The following SLC4A2 variants were observed in gnomAD, a reference collection of about 807,000 sequenced individuals.
SLC4A2 encodes the protein solute carrier family 4 member 2.
Under a neutral mutation model 115.0 loss-of-function variants are expected in SLC4A2, and 36 were observed. The ratio of observed to expected loss-of-function variants is 0.31; its 90% CI spans 0.24 to 0.41. SLC4A2 has a LOEUF of 0.41. Among genes scored for constraint, SLC4A2 ranks in the 10% least tolerant of loss-of-function variants. The probability of loss-of-function intolerance (pLI) is 1.00; values close to 1 mark genes in which losing one functional copy is unlikely to be tolerated. For missense variants in SLC4A2, 1,252 were observed against 1,705.6 expected (o/e 0.73, Z 4.68); for synonymous variants, 708 against 708.3 (o/e 1.00, Z 0.01).
chr7:151,063,054 CGTGG>C, intron 2 of SLC4A2: 13 of 1,483,012 alleles, frequency 8.8e-6, no homozygotes, highest in African/African-American at 2.9e-5. Flanking sequence ...GAGCTGAGAC[CGTGG>C]GTGGGTGGGG....
rs762498559 is a variant in SLC4A2 at position 151,076,079 on chromosome 7, G to A, written c.3538G>A (p.Val1180Ile). Residue 1180 changes from valine to isoleucine, a missense_variant, in exon 22 of 23, where the codon GTC becomes ATC. Coordinates refer to ENST00000413384, the MANE Select transcript of SLC4A2 (RefSeq NM_003040.4). The part of the protein sequence containing the change: ...QLLCLALLWA[V>I]MSTAASLAFP... ...GCTCTGCCTGGCCCTGCTCTGGGCC[G>A]TCATGTCCACAGCTGCCTCCCTGGC... The A allele has an allele frequency of 1.2e-5, 20 of 1,611,344 alleles. No individual in the cohort carries two copies. Among genetic ancestry groups the A allele is most frequent in the East Asian group, 2.2e-5 (1 of 44,880 alleles).
At chr7:151,075,970 C>A in intron 21 of SLC4A2, 43 bp from the exon 22 acceptor site, 1 of 1,528,924 alleles carries the variant, frequency 6.5e-7, no homozygotes, top group Non-Finnish European at 8.8e-7. Flanking sequence ...TTCCCAGCAG[C>A]AGGCTAGGGA....
rs781715809 is a variant in SLC4A2, at chr7:151,074,154, G to A, written c.2651G>A (p.Ser884Asn). 4 of 1,612,822 alleles carry A rather than the reference G, an allele frequency of 2.5e-6. No homozygotes were observed. The highest frequency in any genetic ancestry group is 3.4e-6 in the Non-Finnish European group (4 of 1,179,968). Reference protein sequence around the residue: ...ARPTLGPGNRSLAGQSGQGKP... With the variant: ...ARPTLGPGNRNLAGQSGQGKP... ...CCCACGCTGGGGCCGGGCAACAGGA[G>A]CTTGGCTGGGCAGTCTGGGCAGGGG... Residue 884 changes from serine to asparagine, a missense_variant, in exon 17 of 23, where the codon AGC becomes AAC. Physicochemically the swap from Ser to Asn is conservative, Grantham distance 46 (BLOSUM62 1). Around this residue, in one of 14 missense-constraint regions of SLC4A2, gnomAD observed 55 missense variants for 48.6 expected, o/e 1.13. Coordinates refer to ENST00000413384, the MANE Select transcript of SLC4A2 (RefSeq NM_003040.4).
rs1797015512 is a variant in SLC4A2 at position 151,060,690 on chromosome 7, C to T, written c.-64+928C>T. ...TGCTCTGGGCGGACTCTCCCCACAC[C>T]CTTCCCAGACTGGGTGCACTCACGC... On this transcript the variant is annotated intron_variant, in intron 1 of 22. Transcript: ENST00000413384. The surrounding 1 kb of genome is among the most constrained non-coding windows in gnomAD (Gnocchi z 5.9). 6.6e-6 allele frequency among the ~76,000 whole-genome samples: 1 copy of T among 152,124 alleles called. No individual in the cohort carries two copies.
At chr7:151,062,132 CGTGTGTGAGT>C (rs3217354) in intron 2 of SLC4A2, 94 bp downstream of exon 2, 541,776 of 997,906 alleles carry the variant, frequency 0.54, 150,141 homozygotes, top group South Asian at 0.57. Flanking sequence ...GGGGTGTGAG[CGTGTGTGAGT>C]GTGGAGACTG....
At chr7:151,075,029 G>C (rs545550305) in intron 19 of SLC4A2, 188 bp downstream of exon 19, 7 of 875,322 alleles carry the variant, frequency 8.0e-6, no homozygotes, top group Non-Finnish European at 1.8e-6. Flanking sequence ...GGAACAGCAC[G>C]TGGAGGGGCA....
intron 2 of SLC4A2, 133 bp from the exon 3 acceptor site, chr7:151,064,069 G>C: frequency 2.4e-6 from 2 of 835,216 alleles, no homozygotes; most frequent in Non-Finnish European, 3.7e-6. Context: ...GGGGCATATA[G>C]AGCCACCAGC....
At chr7:151,061,552 G>A (rs1023447038) in intron 1 of SLC4A2, 2 of 179,060 alleles carry the variant, frequency 1.1e-5, no homozygotes, top group African/African-American at 4.7e-5. Context: ...AGGCTCCGTT[G>A]TCTGCCTGGG....
rs765272940 is a variant in SLC4A2, at chr7:151,071,488, C to T, written c.2074C>T (p.Arg692Cys). The T allele has an allele frequency of 3.5e-5, 56 of 1,613,020 alleles. No homozygotes were observed. The highest frequency in any genetic ancestry group is 2.7e-4 in the Admixed American group (16 of 59,974). The change falls in exon 14 of 23, where the codon CGC becomes TGC. Residue 692 changes from arginine (R) to cysteine (C), a missense_variant. By Grantham distance (180) the Arg-to-Cys change is radical. Around this residue, in one of 14 missense-constraint regions of SLC4A2, gnomAD observed 122 missense variants for 116.8 expected, o/e 1.04. Coordinates refer to ENST00000413384, the MANE Select transcript of SLC4A2 (RefSeq NM_003040.4). This position sits in a 1 kb window ranked among gnomAD's most constrained non-coding sequence, Gnocchi z 5.5. Reference protein sequence around the residue: ...FGGLIRDVRRRYPHYLSDFRD... With the variant: ...FGGLIRDVRRCYPHYLSDFRD... The stretch of plus-strand genomic sequence containing the variant: ...GGGGCTGATCCGAGATGTGCGGCGC[C>T]GCTATCCCCACTACCTGAGTGACTT...
Position 151,070,458 on chromosome 7 carries a change from G to A in SLC4A2, c.1451G>A (p.Arg484His). The A allele has an allele frequency of 3.1e-6, 5 of 1,611,832 alleles. No individual in the cohort carries two copies. Among genetic ancestry groups the A allele is most frequent in the South Asian group, 1.1e-5 (1 of 90,892 alleles). Reference sequence around the variant, plus strand: ...CTGAGCCCTGTCTGTGTCCCCCAGCGTGAGCTGCCGCCTCCAGCACCACCA... The same window carrying A: ...CTGAGCCCTGTCTGTGTCCCCCAGCATGAGCTGCCGCCTCCAGCACCACCA... ...PETRLEVERE[R>H]ELPPPAPPAG... The change falls in exon 11 of 23, where the codon CGT becomes CAT. Residue 484 changes from arginine to histidine, a missense_variant and splice_region_variant. Around this residue, in one of 14 missense-constraint regions of SLC4A2, gnomAD observed 142 missense variants for 153.5 expected, o/e 0.93. Transcript: ENST00000413384.
rs200121811 is a variant in SLC4A2, at chr7:151,064,649, C to T, written c.341C>T (p.Pro114Leu). The T allele has an allele frequency of 8.2e-5, 133 of 1,613,648 alleles. No individual in the cohort carries two copies. Among genetic ancestry groups the T allele is most frequent in the Non-Finnish European group, 9.7e-5 (115 of 1,179,858 alleles). ...CCTCGAAGGCGCCCGGGAGCCTCCCCGACTGGAGAAACCCCGACCATTGAG... is the reference window on the plus strand; with the variant it reads ...CCTCGAAGGCGCCCGGGAGCCTCCCTGACTGGAGAAACCCCGACCATTGAG... ...RKPRRRPGAS[P>L]TGETPTIEEG... Residue 114 changes from proline (P) to leucine (L), a missense_variant, in exon 4 of 23, where the codon CCG (proline) becomes CTG (leucine). Coordinates refer to ENST00000413384, the MANE Select transcript of SLC4A2 (RefSeq NM_003040.4).
At chr7:151,066,217 G>A (rs1490245753) in intron 5 of SLC4A2, among the ~76,000 whole-genome samples, 3 of 152,230 alleles carry the variant, frequency 2.0e-5, no homozygotes, top group African/African-American at 2.4e-5. Flanking sequence ...TCATGGCACC[G>A]CCAAAGGCTG....
In SLC4A2 at chr7:151,075,621, T is replaced by C. The variant is rs1482042736; in HGVS notation, c.3317T>C (p.Ile1106Thr). The change falls in exon 21 of 23, where the codon ATC becomes ACC. Residue 1106 changes from isoleucine to threonine, a missense_variant. Physicochemically the swap from Ile to Thr is moderately conservative, Grantham distance 89 (BLOSUM62 -1). This residue lies in a region of SLC4A2 where 253 missense variants were observed against 407.4 expected (regional missense o/e 0.62). Coordinates refer to ENST00000413384, the MANE Select transcript of SLC4A2 (RefSeq NM_003040.4). ...CCTCCCGTAGGCCTCTCCATAGTTA[T>C]CGGGGATCTGCTCCGGCAGATCCCC... ...VALLVGLSIV[I>T]GDLLRQIPLA... 10 of 1,594,650 alleles carry C rather than the reference T, an allele frequency of 6.3e-6. No individual in the cohort carries two copies. The highest frequency in any genetic ancestry group is 8.5e-6 in the Non-Finnish European group (10 of 1,173,944).
rs770647125 is a variant in SLC4A2, at chr7:151,066,923, G to C, written c.896G>C (p.Ser299Thr). The C allele has an allele frequency of 6.2e-7, 1 of 1,613,566 alleles. No homozygotes were observed. Among genetic ancestry groups the C allele is most frequent in the African/African-American group, 1.3e-5 (1 of 74,924 alleles). Residue 299 changes from serine (S) to threonine (T), a missense_variant, in exon 7 of 23, where the codon AGT becomes ACT. Physicochemically the swap from Ser to Thr is moderately conservative, Grantham distance 58. This residue lies in a region of SLC4A2 where 48 missense variants were observed against 44.4 expected (regional missense o/e 1.08). Coordinates refer to ENST00000413384, the MANE Select transcript of SLC4A2 (RefSeq NM_003040.4). Reference sequence around the variant, plus strand: ...AAGAATGCCAAAGGTTCCACACAGAGTGGCCGAGAAGGGCGGGAGCCTGGC... The same window carrying C: ...AAGAATGCCAAAGGTTCCACACAGACTGGCCGAGAAGGGCGGGAGCCTGGC... ...VRKNAKGSTQ[S>T]GREGREPGPT... is the part of the protein sequence containing the mutation.
rs574300560 is a variant in SLC4A2, at chr7:151,067,778, G to A, written c.967-96G>A. The A allele has an allele frequency of 1.2e-5, 12 of 1,040,954 alleles. No homozygotes were observed. In the South Asian group the frequency reaches 1.7e-4, roughly 15 times the overall value. The allele number at this position is 1,040,954 out of a possible 1,614,324, so 64.5% of individuals were successfully genotyped here. ...ACCCACTGTGCTCGTGCTCTCCAGG[G>A]TCACTTGGCTCCCTCTGACACCACT... On this transcript the variant is annotated intron_variant, in intron 7 of 22. Transcript: ENST00000413384.
intron 19 of SLC4A2, 128 bp downstream of exon 19, chr7:151,074,969 CCA>C (rs1331122602): frequency 8.0e-6 from 8 of 1,002,608 alleles, no homozygotes; most frequent in Non-Finnish European, 8.7e-6. Flanking sequence ...GCCCAGATGG[CCA>C]CAGTTTATTC....
Position 151,075,712 on chromosome 7 carries a change from T to C in SLC4A2, c.3408T>C (p.Tyr1136=), listed in dbSNP as rs1797605041. 6.2e-7 allele frequency: 1 copy of C among 1,611,760 alleles called. No individual in the cohort carries two copies. Among genetic ancestry groups the C allele is most frequent in the South Asian group, 1.1e-5 (1 of 91,060 alleles). ...CCTCCCTTAACGGGATCCAGTTCTA[T>C]GAGCGGCTGCATCTGCTGCTCATGC... ...GVTSLNGIQF[Y]ERLHLLLMPP... The change falls in exon 21 of 23, where the codon TAT becomes TAC. Residue 1136 remains tyrosine (Y), a synonymous_variant. Coordinates refer to ENST00000413384, the MANE Select transcript of SLC4A2 (RefSeq NM_003040.4).
At chr7:151,064,489 T>C in intron 3 of SLC4A2, 37 bp from the exon 4 acceptor site, 2 of 1,591,240 alleles carry the variant, frequency 1.3e-6, no homozygotes, top group Non-Finnish European at 1.7e-6. Flanking sequence ...GGAGGGACAC[T>C]GTGCCTGCCA....
Position 151,061,746 on chromosome 7 carries a change from C to T in SLC4A2, c.-63-179C>T, listed in dbSNP as rs1426668085. 7.3e-6 allele frequency: 4 copies of T among 544,360 alleles called. No homozygotes were observed. The East Asian group carries it at 8.5e-5, about 12-fold the overall frequency. 33.7% of individuals were successfully genotyped at this position (544,360 alleles called of 1,614,324 possible). On this transcript the variant is annotated intron_variant, in intron 1 of 22. Coordinates refer to ENST00000413384, the MANE Select transcript of SLC4A2 (RefSeq NM_003040.4). ...CGGCCCCCCTCGCCTCAGTCCTCTC[C>T]TGTCTCCTTGTTCTTCTCTTTTCTT... is the stretch of plus-strand genomic sequence containing the variant.
Sources: allele counts gnomAD v4.1 joint callset (sites outside exome capture counted in the v4.1 genomes callset), GRCh38; gene constraint gnomAD v4.1.1; regional missense constraint gnomAD v4.1.1; non-coding constraint Gnocchi (gnomAD v3.1); transcripts MANE v1.5; gene names NCBI Gene and HGNC (gene_info 2026-07-23, HGNC 2026-07-21).